NRXN1: variants seen among roughly 807,000 people sequenced by gnomAD.
The protein encoded by NRXN1 is neurexin-1.
NRXN1 carries 39 observed loss-of-function variants against 150.9 expected under a neutral mutation model. The observed-to-expected ratio is 0.26, with a 90% CI of 0.20 to 0.34. NRXN1 has a LOEUF of 0.34. Among genes scored for constraint, NRXN1 ranks in the 10% least tolerant of loss-of-function variants. The probability of loss-of-function intolerance (pLI) is 1.00; values close to 1 mark genes in which losing one functional copy is unlikely to be tolerated. For synonymous variants in NRXN1, 924 were observed against 757.0 expected, an observed-to-expected ratio of 1.22 and a Z score of -3.62; for missense variants, 1,815 against 1,949.9, an observed-to-expected ratio of 0.93 and a Z score of 1.30.
chr2:50,284,609 A>G (rs2071877382), intron 17 of NRXN1, among the ~76,000 whole-genome samples: 1 of 152,182 alleles, frequency 6.6e-6, no homozygotes, highest in Admixed American at 6.5e-5. Flanking sequence ...TAGTCAGTAA[A>G]TGCTTTCTCT....
At chr2:50,414,026 G>C (rs2083367664) in intron 17 of NRXN1, among the ~76,000 whole-genome samples, 2 of 122,902 alleles carry the variant, frequency 1.6e-5, no homozygotes, top group Admixed American at 9.7e-5. Context: ...GGTTACCAGA[G>C]GCTGGGAAGG....
chr2:50,524,423 G>C (rs1431228835), intron 12 of NRXN1, among the ~76,000 whole-genome samples: 1 of 151,866 alleles, frequency 6.6e-6, no homozygotes, highest in Non-Finnish European at 1.5e-5. Flanking sequence ...AGGTTTCAGA[G>C]AGCTGAGATT....
At chr2:50,734,430 G>A (rs1209850344) in intron 5 of NRXN1, among the ~76,000 whole-genome samples, 1 of 152,120 alleles carries the variant, frequency 6.6e-6, no homozygotes, top group Non-Finnish European at 1.5e-5. Flanking sequence ...TGACTAACAT[G>A]AAACTTTAAT....
intron 18 of NRXN1, among the ~76,000 whole-genome samples, chr2:50,188,110 C>G (rs1463704298): frequency 6.6e-6 from 1 of 151,880 alleles, no homozygotes; most frequent in Admixed American, 6.6e-5. Context: ...AGTTCCAACA[C>G]TATATTGAAT....
intron 8 of NRXN1, among the ~76,000 whole-genome samples, chr2:50,598,690 A>G (rs1268415920): frequency 1.4e-5 from 2 of 146,254 alleles, no homozygotes; most frequent in Non-Finnish European, 3.0e-5. Context: ...ATGTATATAC[A>G]TATCTATATA....
At chr2:50,865,303 T>C (rs1258351661) in intron 5 of NRXN1, among the ~76,000 whole-genome samples, 2 of 151,924 alleles carry the variant, frequency 1.3e-5, no homozygotes, top group South Asian at 2.1e-4. Context: ...TTATATTTCA[T>C]TACAAAACTA....
intron 17 of NRXN1, among the ~76,000 whole-genome samples, chr2:50,428,129 C>T (rs966384018): frequency 1.3e-5 from 2 of 152,064 alleles, no homozygotes; most frequent in African/African-American, 2.4e-5. Context: ...AAAATAAAGG[C>T]AAGGCGAGGC....
chr2:50,228,850 G>A (rs1020715033), intron 18 of NRXN1, among the ~76,000 whole-genome samples: 13 of 151,902 alleles, frequency 8.6e-5, no homozygotes, highest in Admixed American at 1.3e-4. Flanking sequence ...GCAGTTGAGC[G>A]TCCCCCATTC....
At chr2:50,019,141 G>T (rs1018763924) in intron 21 of NRXN1, 12 of 468,918 alleles carry the variant, frequency 2.6e-5, no homozygotes, top group Non-Finnish European at 4.0e-5. Context: ...AGGGTATAGG[G>T]TTCGATTACT....
At chr2:50,197,209 A>G (rs970551202) in intron 18 of NRXN1, among the ~76,000 whole-genome samples, 13 of 151,974 alleles carry the variant, frequency 8.6e-5, no homozygotes, top group African/African-American at 2.9e-4. Flanking sequence ...GTTTTTTTTT[A>G]GATGCATAAC....
intron 17 of NRXN1, among the ~76,000 whole-genome samples, chr2:50,365,319 G>C (rs541780282): frequency 3.5e-4 from 53 of 152,114 alleles, no homozygotes; most frequent in Non-Finnish European, 7.1e-4. Context: ...GAAATGTCAT[G>C]TGAAAATCCT....
chr2:50,239,663 TATATATATATATATATATATA>T (rs2065810462), intron 17 of NRXN1, among the ~76,000 whole-genome samples: 1 of 2,126 alleles, frequency 4.7e-4, no homozygotes, highest in Non-Finnish European at 9.5e-4. Context: ...CCTATTCCAG[TATATATATATATATATATATA>T]TATATATATA....
chr2:50,484,536 A>G (rs749863579), intron 15 of NRXN1, among the ~76,000 whole-genome samples: 2 of 152,222 alleles, frequency 1.3e-5, no homozygotes, highest in Non-Finnish European at 2.9e-5. Context: ...GCAAGTAGCC[A>G]GTTTGCACCA....
chr2:50,572,679 A>C (rs996619955), intron 8 of NRXN1, among the ~76,000 whole-genome samples: 1 of 152,224 alleles, frequency 6.6e-6, no homozygotes, highest in African/African-American at 2.4e-5. Flanking sequence ...GTATCACACC[A>C]AATTACAACA....
intron 5 of NRXN1, among the ~76,000 whole-genome samples, chr2:50,853,778 T>A (rs78864136): frequency 0.068 from 10,274 of 152,116 alleles, 461 homozygotes; most frequent in Non-Finnish European, 0.097. Context: ...TAATCTGTAC[T>A]TGTCACTGTT....
At chr2:50,506,756 A>C (rs2092245551) in intron 12 of NRXN1, 139 bp from the exon 13 acceptor site, 1 of 862,836 alleles carries the variant, frequency 1.2e-6, no homozygotes, top group South Asian at 2.0e-5. Context: ...AAAGAGAGAG[A>C]GGAGGGAGAG....
intron 5 of NRXN1, among the ~76,000 whole-genome samples, chr2:50,885,749 A>T (rs536548493): frequency 6.6e-6 from 1 of 151,046 alleles, no homozygotes; most frequent in South Asian, 2.1e-4. Context: ...AAATAATCTA[A>T]ATTAAGAACT....
intron 18 of NRXN1, among the ~76,000 whole-genome samples, chr2:50,193,512 T>C (rs138652537): frequency 6.6e-6 from 1 of 152,320 alleles, no homozygotes; most frequent in African/African-American, 2.4e-5. Context: ...TGATATTATG[T>C]ATAACCTTGG....
At chr2:50,898,940 C>A (rs17512199) in intron 5 of NRXN1, among the ~76,000 whole-genome samples, 13,960 of 150,358 alleles carry the variant, frequency 0.093, 727 homozygotes, top group South Asian at 0.14. Context: ...GGATTCTTGC[C>A]GACAGATTAA....
Sources: gnomAD v4.1 joint callset for allele counts (sites outside exome capture counted in the v4.1 genomes callset) on GRCh38, gnomAD v4.1.1 for gene constraint, MANE v1.5 for transcripts, NCBI Gene and HGNC (gene_info 2026-07-23, HGNC 2026-07-21) for gene names.